EGFLAM: variants seen among roughly 807,000 people sequenced by gnomAD.
EGFLAM encodes the protein pikachurin.
EGFLAM carries 79 observed loss-of-function variants against 113.1 expected under a neutral mutation model. That is an observed-to-expected ratio of 0.70 (90% CI 0.58 to 0.84). The LOEUF is 0.84. Among genes scored for constraint, EGFLAM ranks in the 40% least tolerant of loss-of-function variants. The pLI, the probability that EGFLAM is intolerant of heterozygous loss-of-function variation, is 0.00. For synonymous variants in EGFLAM, 504 were observed against 487.6 expected (o/e 1.03, Z -0.44); for missense variants, 1,265 against 1,291.6 (o/e 0.98, Z 0.32).
At chr5:38,323,444 T>C (rs1248329347) in intron 1 of EGFLAM, among the ~76,000 whole-genome samples, 1 of 152,220 alleles carries the variant, frequency 6.6e-6, no homozygotes, top group African/African-American at 2.4e-5. Flanking sequence ...TTAAGCAGTA[T>C]AGCTTCTAGT....
intron 14 of EGFLAM, among the ~76,000 whole-genome samples, chr5:38,429,073 C>A (rs1347013620): frequency 6.6e-6 from 1 of 152,148 alleles, no homozygotes; most frequent in Admixed American, 6.5e-5. Flanking sequence ...AAAACTCAAA[C>A]TACAGGAAGT....
chr5:38,425,973 CA>C (rs1324183122), intron 13 of EGFLAM, among the ~76,000 whole-genome samples: 2 of 151,940 alleles, frequency 1.3e-5, no homozygotes, highest in African/African-American at 4.8e-5. Flanking sequence ...TGTGGTGGTG[CA>C]CAGCTGTAAT....
intron 1 of EGFLAM, among the ~76,000 whole-genome samples, chr5:38,274,516 A>G (rs1271251555): frequency 1.3e-5 from 2 of 152,194 alleles, no homozygotes; most frequent in African/African-American, 4.8e-5. Context: ...ACTTCTCAGG[A>G]AAACACTTAC....
At chr5:38,371,607 C>T (rs1327025386) in intron 6 of EGFLAM, among the ~76,000 whole-genome samples, 1 of 151,714 alleles carries the variant, frequency 6.6e-6, no homozygotes, top group Admixed American at 6.6e-5. Context: ...AAAACACACA[C>T]ATGCGCACAC....
chr5:38,433,325 T>C (rs574900912), intron 15 of EGFLAM, among the ~76,000 whole-genome samples: 1 of 152,332 alleles, frequency 6.6e-6, no homozygotes, highest in East Asian at 1.9e-4. Flanking sequence ...TGAGTCCGAC[T>C]ATGCAAGACA....
At chr5:38,418,863 A>G (rs1034469478) in intron 12 of EGFLAM, among the ~76,000 whole-genome samples, 5 of 152,232 alleles carry the variant, frequency 3.3e-5, no homozygotes, top group Non-Finnish European at 7.3e-5. Flanking sequence ...CATTTATTCT[A>G]TCACTGAAGG....
At chr5:38,397,125 C>A (rs1261411080) in intron 6 of EGFLAM, among the ~76,000 whole-genome samples, 1 of 152,210 alleles carries the variant, frequency 6.6e-6, no homozygotes, top group Admixed American at 6.5e-5. Flanking sequence ...CATTCTTAAG[C>A]TGTGGTCAAA....
chr5:38,357,373 G>A (rs1026354377), intron 5 of EGFLAM, among the ~76,000 whole-genome samples: 2 of 152,042 alleles, frequency 1.3e-5, no homozygotes, highest in East Asian at 1.9e-4. Context: ...CCAGAACTGT[G>A]AGCAATCAAT....
chr5:38,324,043 C>CAAAA (rs34351121), intron 1 of EGFLAM, among the ~76,000 whole-genome samples: 26 of 92,186 alleles, frequency 2.8e-4, no homozygotes, highest in South Asian at 3.8e-4. Context: ...CCATCTCAAA[C>CAAAA]AAAAAAAAAA....
chr5:38,458,310 G>C lies in EGFLAM; in HGVS notation c.2688-1G>C. 6.2e-7 allele frequency: 1 copy of C among 1,613,582 alleles called. No homozygotes were observed. The highest frequency in any genetic ancestry group is 2.2e-5 in the East Asian group (1 of 44,854). ...TGTCTTCTTCTTCTCCAATGCCTTA[G>C]CTATAACCTGGGCAGTGGTGTGGCA... On this transcript the variant is annotated splice_acceptor_variant, in intron 19 of 21. Coordinates refer to ENST00000322350, the MANE Select transcript of EGFLAM (RefSeq NM_152403.4). LOFTEE classifies it high-confidence loss of function.
intron 1 of EGFLAM, among the ~76,000 whole-genome samples, chr5:38,291,428 C>T (rs1041825103): frequency 6.6e-6 from 1 of 152,194 alleles, no homozygotes; most frequent in Non-Finnish European, 1.5e-5. Context: ...ACTCACCCAA[C>T]CTCTGGCATC....
intron 12 of EGFLAM, among the ~76,000 whole-genome samples, chr5:38,424,701 A>G (rs1741939681): frequency 6.6e-6 from 1 of 152,226 alleles, no homozygotes; most frequent in Non-Finnish European, 1.5e-5. Context: ...AATTGCCCAG[A>G]AATGTATTAT....
chr5:38,326,209 T>C (rs1738875690), intron 1 of EGFLAM, among the ~76,000 whole-genome samples: 1 of 152,146 alleles, frequency 6.6e-6, no homozygotes, highest in Non-Finnish European at 1.5e-5. Context: ...CCCTCTGGCT[T>C]CCACTGCTAT....
At chr5:38,456,812 C>T (rs1743103271) in intron 19 of EGFLAM, among the ~76,000 whole-genome samples, 1 of 152,208 alleles carries the variant, frequency 6.6e-6, no homozygotes. Flanking sequence ...GATATGTCCT[C>T]TTACAAAATG....
rs1287256333 is a variant in EGFLAM, at chr5:38,435,188, C to A, written c.2218C>A (p.Pro740Thr). 35 of 1,613,848 alleles carry A rather than the reference C, an allele frequency of 2.2e-5. No homozygotes were observed. Among genetic ancestry groups the A allele is most frequent in the Non-Finnish European group, 2.7e-5 (32 of 1,179,992 alleles). ...CNTDIFIGGV[P>T]NYDDVKKNSG... ...CACAGACATTTTCATTGGCGGAGTCCCCAATTATGATGATGTGAAGAAGAA... is the reference window on the plus strand; with the variant it reads ...CACAGACATTTTCATTGGCGGAGTCACCAATTATGATGATGTGAAGAAGAA... The change falls in exon 16 of 22, where the codon CCC becomes ACC. Residue 740 changes from proline (P) to threonine (T), a missense_variant. Transcript: ENST00000322350.
chr5:38,380,202 A>G (rs556616309), intron 6 of EGFLAM, among the ~76,000 whole-genome samples: 166 of 152,362 alleles, frequency 1.1e-3, no homozygotes, highest in Non-Finnish European at 1.9e-3. Context: ...TGACCTCTGT[A>G]CTATACTGTT....
chr5:38,426,288 A>G (rs1018410861), intron 13 of EGFLAM, among the ~76,000 whole-genome samples: 4 of 152,188 alleles, frequency 2.6e-5, no homozygotes, highest in African/African-American at 9.7e-5. Context: ...CATGCACACA[A>G]ATACACATAT....
At position 38,406,261 on chromosome 5, in the gene EGFLAM, T is replaced by C. The variant is rs1331502592; in HGVS notation, c.828+20T>C. The stretch of plus-strand genomic sequence containing the variant: ...GAGGAGGTAACAATAATCTCTGCTC[T>C]TAAAACCCAGGGTGTTTGTGTTTTC... On this transcript the variant is annotated intron_variant, in intron 7 of 21. Transcript: ENST00000322350. 4 of 1,604,138 alleles carry C rather than the reference T, an allele frequency of 2.5e-6. No homozygotes were observed. Among genetic ancestry groups the C allele is most frequent in the Non-Finnish European group, 3.4e-6 (4 of 1,171,504 alleles).
At chr5:38,461,525 T>C (rs987682506) in intron 20 of EGFLAM, among the ~76,000 whole-genome samples, 2 of 152,012 alleles carry the variant, frequency 1.3e-5, no homozygotes, top group African/African-American at 4.8e-5. Context: ...TTTTTTTTTT[T>C]AAAGGCAGGG....
Sources: gnomAD v4.1 joint callset for allele counts (sites outside exome capture counted in the v4.1 genomes callset) on GRCh38, gnomAD v4.1.1 for gene constraint, MANE v1.5 for transcripts, NCBI Gene and HGNC (gene_info 2026-07-23, HGNC 2026-07-21) for gene names.